Variants in GRAMD4 observed in about 807,000 individuals in gnomAD.
GRAMD4 encodes GRAM domain containing 4, also known as GRAM domain-containing protein 4.
In GRAMD4, 25 loss-of-function variants were observed where a neutral mutation model predicts 83.9. The ratio of observed to expected loss-of-function variants is 0.30; its 90% confidence interval spans 0.22 to 0.42. The LOEUF is 0.42. Ranked by LOEUF, GRAMD4 falls within the 10% of genes least tolerant of loss-of-function variation. The pLI is 1.00. For missense variants in GRAMD4, 593 were observed against 788.7 expected (o/e 0.75, Z 2.97); for synonymous variants, 336 against 320.9 (o/e 1.05, Z -0.50).
chr22:46,655,650 CCA>C (rs1373426122), intron 3 of GRAMD4, among the ~76,000 whole-genome samples: 1 of 152,196 alleles, frequency 6.6e-6, no homozygotes, highest in Non-Finnish European at 1.5e-5. Context: ...GACGTGTCCC[CCA>C]CAGCCCTGGG....
chr22:46,639,844 A>G (rs942530145), intron 3 of GRAMD4, among the ~76,000 whole-genome samples: 39 of 152,162 alleles, frequency 2.6e-4, no homozygotes, highest in Non-Finnish European at 2.9e-5. Flanking sequence ...CGGTCTCTCC[A>G]TGAGCCTTAG....
chr22:46,633,176 C>T (rs1431509118), intron 2 of GRAMD4, among the ~76,000 whole-genome samples: 3 of 152,174 alleles, frequency 2.0e-5, no homozygotes, highest in Admixed American at 1.3e-4. Context: ...ATGCCACAGC[C>T]CAGGCTCCTC....
chr22:46,612,329 C>T (rs961006433), intron 1 of GRAMD4, among the ~76,000 whole-genome samples: 1 of 152,176 alleles, frequency 6.6e-6, no homozygotes, highest in African/African-American at 2.4e-5. Context: ...GTTATTGTTA[C>T]TGTTACTGTG....
chr22:46,664,393 G>A (rs1288820107), intron 8 of GRAMD4, among the ~76,000 whole-genome samples: 1 of 152,244 alleles, frequency 6.6e-6, no homozygotes, highest in Non-Finnish European at 1.5e-5. Flanking sequence ...CCCCCAGGGT[G>A]CCCTTGGGAA....
rs140767301 is a variant in GRAMD4, at chr22:46,590,091, C to T, written c.-50+12801C>T. Reference sequence around the variant, plus strand: ...GGTTGATTCCTGCCTACTGTTGGCCCGGGTGGGCAGAGCCGTGGCAGTCAG... The same window carrying T: ...GGTTGATTCCTGCCTACTGTTGGCCTGGGTGGGCAGAGCCGTGGCAGTCAG... On this transcript the variant is annotated intron_variant, in intron 1 of 1. Transcript: ENST00000431155. Among the ~76,000 whole-genome samples, 776 of 152,292 alleles carry T rather than the reference C, an allele frequency of 5.1e-3. 8 individuals carry two copies. The highest frequency in any genetic ancestry group is 0.018 in the African/African-American group (745 of 41,560).
chr22:46,591,128 C>G (rs1231717768), intron 1 of GRAMD4, among the ~76,000 whole-genome samples: 1 of 152,140 alleles, frequency 6.6e-6, no homozygotes, highest in Non-Finnish European at 1.5e-5. Context: ...CTGGAATGGC[C>G]TAAGGTGGGA....
At chr22:46,630,786 T>C (rs1374656726) in intron 2 of GRAMD4, among the ~76,000 whole-genome samples, 1 of 152,266 alleles carries the variant, frequency 6.6e-6, no homozygotes, top group African/African-American at 2.4e-5. Context: ...CCATGTGGGC[T>C]GCGGCACTTT....
At chr22:46,625,043 G>A (rs1013275295) in intron 1 of GRAMD4, among the ~76,000 whole-genome samples, 4 of 151,888 alleles carry the variant, frequency 2.6e-5, no homozygotes, top group Non-Finnish European at 5.9e-5. Flanking sequence ...TGTATTTTTA[G>A]TAGAGATGGG....
intron 1 of GRAMD4, among the ~76,000 whole-genome samples, chr22:46,583,990 C>T (rs1182431869): frequency 6.6e-6 from 1 of 152,210 alleles, no homozygotes; most frequent in Non-Finnish European, 1.5e-5. Flanking sequence ...TCAGTTTATG[C>T]AGCCGCTTAC....
At chr22:46,673,895 A>T (rs1333445069) in intron 15 of GRAMD4, 81 bp downstream of exon 15, 1 of 1,488,692 alleles carries the variant, frequency 6.7e-7, no homozygotes, top group Non-Finnish European at 9.3e-7. Flanking sequence ...TGGATGCAGG[A>T]CGGGGTCGCC....
At chr22:46,578,366 G>A (rs1602279982) in intron 1 of GRAMD4, among the ~76,000 whole-genome samples, 1 of 152,222 alleles carries the variant, frequency 6.6e-6, no homozygotes, top group South Asian at 2.1e-4. Flanking sequence ...GAGGAGTCTG[G>A]GACTTGCCTC....
At position 46,649,340 on chromosome 22, in the gene GRAMD4, C is replaced by T. The variant is rs141408258; in HGVS notation, c.284-8847C>T. ...TGGTTGGAAAGGGAGGTTGTGGGGG[C>T]GAGGGATGGCACGTGCTGTCGAGCA... is the stretch of plus-strand genomic sequence containing the variant. On this transcript the variant is annotated intron_variant, in intron 3 of 18. Coordinates refer to ENST00000406902, the MANE Select transcript of GRAMD4 (RefSeq NM_015124.5). Among the ~76,000 whole-genome samples the T allele has an allele frequency of 9.9e-5, 15 of 152,144 alleles. No individual in the cohort carries two copies. In the East Asian group the frequency reaches 2.1e-3, roughly 22 times the overall value.
intron 3 of GRAMD4, among the ~76,000 whole-genome samples, chr22:46,644,697 G>GTTTTTTTGT (rs2082044002): frequency 2.1e-5 from 2 of 97,338 alleles, no homozygotes; most frequent in Admixed American, 1.2e-4. Flanking sequence ...CTTGTTCCCT[G>GTTTTTTTGT]TTTTTTTTTT....
chr22:46,672,227 G>A lies in GRAMD4; in HGVS notation c.1085-616G>A, dbSNP rs1164393063. Among the ~76,000 whole-genome samples the A allele has an allele frequency of 2.6e-5, 4 of 152,242 alleles. No individual in the cohort carries two copies. The highest frequency in any genetic ancestry group is 9.6e-5 in the African/African-American group (4 of 41,466). ...TCAGGCCTGGCTCTTCTGAGGTCGT[G>A]TTTAGTAGGGGGACTGACCATGATT... On this transcript the variant is annotated intron_variant, in intron 13 of 18. Transcript: ENST00000406902. This position sits in a 1 kb window ranked among gnomAD's most constrained non-coding sequence, Gnocchi z 4.7.
intron 3 of GRAMD4, among the ~76,000 whole-genome samples, chr22:46,644,002 T>G (rs888794831): frequency 7.2e-5 from 11 of 152,250 alleles, no homozygotes; most frequent in African/African-American, 2.7e-4. Flanking sequence ...CCAGTTTTCT[T>G]CTAATTTTAC....
At chr22:46,641,514 G>A (rs1601616625) in intron 3 of GRAMD4, among the ~76,000 whole-genome samples, 1 of 152,106 alleles carries the variant, frequency 6.6e-6, no homozygotes, top group Non-Finnish European at 1.5e-5. Context: ...GCTCGGTGGT[G>A]TCTCTCTCCG....
rs2082288360 is a variant in GRAMD4 at position 46,659,051 on chromosome 22, G to T, written c.404+744G>T. Among the ~76,000 whole-genome samples, 1 of 152,122 alleles carries T rather than the reference G, an allele frequency of 6.6e-6. No individual in the cohort carries two copies. The highest frequency in any genetic ancestry group is 1.5e-5 in the Non-Finnish European group (1 of 68,006). ...CCCTCCTGTCTCGCTAACACCACGA[G>T]GCTCCGTGTCCCTCTGCACAAGTTC... On this transcript the variant is annotated intron_variant, in intron 4 of 18. Transcript: ENST00000406902. The surrounding 1 kb of genome is among the most constrained non-coding windows in gnomAD (Gnocchi z 4.1).
At chr22:46,597,635 A>G (rs542597525) in intron 1 of GRAMD4, among the ~76,000 whole-genome samples, 10 of 151,912 alleles carry the variant, frequency 6.6e-5, no homozygotes, top group African/African-American at 1.9e-4. Flanking sequence ...GACCACAGGC[A>G]CCCGCCACCA....
intron 1 of GRAMD4, among the ~76,000 whole-genome samples, chr22:46,591,844 A>C (rs1328888685): frequency 6.7e-6 from 1 of 149,800 alleles, no homozygotes; most frequent in Non-Finnish European, 1.5e-5. Flanking sequence ...AAAAAAAAAA[A>C]AAAAAAAACC....
Sources: allele counts gnomAD v4.1 joint callset (sites outside exome capture counted in the v4.1 genomes callset), GRCh38; gene constraint gnomAD v4.1.1; non-coding constraint Gnocchi (gnomAD v3.1); transcripts MANE v1.5; gene names NCBI Gene and HGNC (gene_info 2026-07-23, HGNC 2026-07-21).